The following NFAM1 variants were observed in gnomAD, a reference collection of about 807,000 sequenced individuals.
NFAM1 encodes the protein NFAT activation molecule 1.
Under a neutral mutation model 29.0 loss-of-function variants are expected in NFAM1, and 17 were observed. The ratio of observed to expected loss-of-function variants is 0.59; its 90% CI spans 0.40 to 0.88. NFAM1 has a LOEUF of 0.88. Ranked by LOEUF, NFAM1 falls within the 40% of genes least tolerant of loss-of-function variation. The pLI, the probability that NFAM1 is intolerant of heterozygous loss-of-function variation, is 0.00. For synonymous variants in NFAM1, 175 were observed against 147.2 expected, an observed-to-expected ratio of 1.19 and a Z score of -1.36; for missense variants, 324 against 344.6, an observed-to-expected ratio of 0.94 and a Z score of 0.47.
At chr22:42,415,127 G>A (rs552364225) in intron 1 of NFAM1, among the ~76,000 whole-genome samples, 4 of 152,082 alleles carry the variant, frequency 2.6e-5, no homozygotes, top group Admixed American at 6.6e-5. Context: ...AGAGGAAGCC[G>A]TCTCTGACGA....
chr22:42,386,396 AACACACACACAC>A lies in NFAM1; in HGVS notation c.753+581_753+592del, dbSNP rs59742194. On this transcript the variant is annotated intron_variant, in intron 5 of 5. Transcript: ENST00000329021. ...CTCAAAACAAAAACAAAAACAAACA[AACACACACACAC>A]ACACACACACACACACACAAAACAA... is the stretch of plus-strand genomic sequence containing the variant. Among the ~76,000 whole-genome samples, 4 of 125,184 alleles carry A rather than the reference AACACACACACAC, an allele frequency of 3.2e-5. No homozygotes were observed. The East Asian group carries it at 8.4e-4, about 26-fold the overall frequency. The allele number at this position is 125,184 out of a possible 152,430, so 82.1% of individuals were successfully genotyped here. A position where few individuals can be genotyped will look rare whatever the true frequency, so the allele number is the denominator to read the frequency against.
intron 1 of NFAM1, among the ~76,000 whole-genome samples, chr22:42,425,098 T>C (rs575572326): frequency 6.6e-6 from 1 of 152,150 alleles, no homozygotes; most frequent in Non-Finnish European, 1.5e-5. Flanking sequence ...ATTTTTTGTA[T>C]TTTTGGTGAA....
intron 1 of NFAM1, among the ~76,000 whole-genome samples, chr22:42,413,860 T>C (rs6002727): frequency 0.56 from 84,496 of 151,966 alleles, 25,270 homozygotes; most frequent in African/African-American, 0.79. Flanking sequence ...TCAAGATCAG[T>C]TTGGCCAACA....
At chr22:42,426,745 G>A (rs1242467613) in intron 1 of NFAM1, among the ~76,000 whole-genome samples, 1 of 152,130 alleles carries the variant, frequency 6.6e-6, no homozygotes, top group African/African-American at 2.4e-5. Context: ...GAATAGGTGG[G>A]GCCAGTGGCT....
At chr22:42,387,193 G>A in intron 4 of NFAM1, 115 bp from the exon 5 acceptor site, 2 of 580,638 alleles carry the variant, frequency 3.4e-6, no homozygotes, top group Non-Finnish European at 3.0e-6. Flanking sequence ...AGGGGAGGGT[G>A]AAGCCCAGCC....
At chr22:42,416,182 C>T (rs1434482293) in intron 1 of NFAM1, among the ~76,000 whole-genome samples, 3 of 152,158 alleles carry the variant, frequency 2.0e-5, no homozygotes, top group African/African-American at 2.4e-5. Context: ...CGTTCTGGAG[C>T]GGGTCTAGCT....
At chr22:42,400,269 T>C (rs1176939969) in intron 3 of NFAM1, among the ~76,000 whole-genome samples, 1 of 152,202 alleles carries the variant, frequency 6.6e-6, no homozygotes, top group African/African-American at 2.4e-5. Flanking sequence ...GACTTGTCCT[T>C]ATTTTCATTT....
chr22:42,385,351 G>A (rs1569224041), intron 5 of NFAM1, 131 bp from the exon 6 acceptor site: 2 of 707,516 alleles, frequency 2.8e-6, no homozygotes, highest in Non-Finnish European at 2.5e-6. Flanking sequence ...TGGGGGGCCT[G>A]CCCTCTGTCT....
At chr22:42,436,142 C>T (rs1930935202), upstream of NFAM1, among the ~76,000 whole-genome samples, 1 of 152,166 alleles carries the variant, frequency 6.6e-6, no homozygotes. Flanking sequence ...TTTCAAATGC[C>T]CCAGCCAGCA....
Position 42,385,147 on chromosome 22 carries a change from C to T in NFAM1, c.*14G>A, listed in dbSNP as rs777309183. 15 of 1,605,934 alleles carry T rather than the reference C, an allele frequency of 9.3e-6. No individual in the cohort carries two copies. The highest frequency in any genetic ancestry group is 4.4e-5 in the South Asian group (4 of 90,912). ...TCTGACCCAGGGCAAGCTCTATGAG[C>T]GGTGGAGCCCATCCTAGAGATTTTC... On this transcript the variant is annotated 3_prime_UTR_variant, in exon 6 of 6. Transcript: ENST00000329021.
intron 2 of NFAM1, among the ~76,000 whole-genome samples, chr22:42,411,151 G>C (rs902316502): frequency 1.6e-4 from 24 of 151,268 alleles, no homozygotes; most frequent in African/African-American, 5.8e-4. Context: ...AGCCTCCTGA[G>C]TAGCTGGGAT....
chr22:42,398,080 T>G, intron 3 of NFAM1, 124 bp from the exon 4 acceptor site: 1 of 584,336 alleles, frequency 1.7e-6, no homozygotes, highest in South Asian at 2.0e-5. Flanking sequence ...ACTCAGTCCC[T>G]CCCACTCACC....
intron 1 of NFAM1, among the ~76,000 whole-genome samples, chr22:42,424,122 A>G (rs1453392099): frequency 6.6e-6 from 1 of 152,134 alleles, no homozygotes; most frequent in Non-Finnish European, 1.5e-5. Flanking sequence ...CTTTAAAAAA[A>G]AACAAACACA....
At chr22:42,431,527 C>T (rs1471871192) in intron 1 of NFAM1, among the ~76,000 whole-genome samples, 2 of 152,148 alleles carry the variant, frequency 1.3e-5, no homozygotes, top group African/African-American at 4.8e-5. Context: ...ATGGGACCCT[C>T]CTGGGCCGTC....
At chr22:42,405,228 C>T (rs1929856058) in intron 3 of NFAM1, among the ~76,000 whole-genome samples, 1 of 152,218 alleles carries the variant, frequency 6.6e-6, no homozygotes, top group Non-Finnish European at 1.5e-5. Context: ...GCTGACGTTG[C>T]TCAGCAAATG....
intron 1 of NFAM1, among the ~76,000 whole-genome samples, chr22:42,424,062 A>G (rs1419348664): frequency 6.6e-6 from 1 of 151,886 alleles, no homozygotes; most frequent in East Asian, 1.9e-4. Context: ...CGGCCTCCCA[A>G]AGTGCTGGGA....
At chr22:42,415,988 C>G in intron 1 of NFAM1, among the ~76,000 whole-genome samples, 1 of 152,144 alleles carries the variant, frequency 6.6e-6, no homozygotes, top group East Asian at 1.9e-4. Flanking sequence ...TTGAGTTTGC[C>G]TGGGATGAGG....
intron 1 of NFAM1, among the ~76,000 whole-genome samples, chr22:42,414,762 T>C (rs1930202487): frequency 6.6e-6 from 1 of 151,782 alleles, no homozygotes; most frequent in African/African-American, 2.4e-5. Context: ...TCACAGTGTA[T>C]CTAAGAGGCC....
At chr22:42,436,887 C>T (rs142559517), upstream of NFAM1, 762 of 467,676 alleles carry the variant, frequency 1.6e-3, 5 homozygotes, top group African/African-American at 0.014. Context: ...TTCACCTGGT[C>T]CTTTAATCAG....
Sources: gnomAD v4.1 joint callset for allele counts (sites outside exome capture counted in the v4.1 genomes callset) on GRCh38, gnomAD v4.1.1 for gene constraint, MANE v1.5 for transcripts, NCBI Gene and HGNC (gene_info 2026-07-23, HGNC 2026-07-21) for gene names.